Variants in TSHZ2 observed in about 807,000 individuals in gnomAD.
The protein encoded by TSHZ2 is teashirt homolog 2.
TSHZ2 carries 21 observed loss-of-function variants against 74.4 expected under a neutral mutation model. The observed-to-expected ratio is 0.28, with a 90% CI of 0.20 to 0.41. TSHZ2 has a LOEUF of 0.41. Ranked by LOEUF, TSHZ2 falls within the 10% of genes least tolerant of loss-of-function variation. The probability of loss-of-function intolerance (pLI) is 1.00; values close to 1 mark genes in which losing one functional copy is unlikely to be tolerated. For synonymous variants in TSHZ2, 540 were observed against 515.3 expected (o/e 1.05, Z -0.65); for missense variants, 1,244 against 1,293.5 (o/e 0.96, Z 0.59).
chr20:53,143,915 A>G (rs1987475334), intron 1 of TSHZ2, among the ~76,000 whole-genome samples: 1 of 152,086 alleles, frequency 6.6e-6, no homozygotes, highest in South Asian at 2.1e-4. Context: ...TCTCCCTGAA[A>G]ACTCAGGGAT....
chr20:53,202,559 C>T (rs924002616), intron 1 of TSHZ2, among the ~76,000 whole-genome samples: 1 of 152,022 alleles, frequency 6.6e-6, no homozygotes, highest in Non-Finnish European at 1.5e-5. Flanking sequence ...CTCCATCTTC[C>T]CAGCAACTTT....
At chr20:53,475,754 A>G (rs914496546) in intron 2 of TSHZ2, among the ~76,000 whole-genome samples, 3 of 141,310 alleles carry the variant, frequency 2.1e-5, no homozygotes, top group African/African-American at 8.2e-5. Flanking sequence ...AAATTGATAG[A>G]CCACTAGCAA....
intron 1 of TSHZ2, among the ~76,000 whole-genome samples, chr20:53,057,215 T>C (rs1048982126): frequency 6.6e-6 from 1 of 152,190 alleles, no homozygotes; most frequent in Non-Finnish European, 1.5e-5. Flanking sequence ...AATTACCCAG[T>C]CTTGGATATT....
chr20:53,479,887 G>A (rs1393768430), intron 2 of TSHZ2, among the ~76,000 whole-genome samples: 2 of 152,076 alleles, frequency 1.3e-5, no homozygotes, highest in Admixed American at 6.6e-5. Flanking sequence ...GTATCTATCT[G>A]GCTGAAAATA....
At chr20:53,013,232 A>G (rs966311834) in intron 1 of TSHZ2, among the ~76,000 whole-genome samples, 8 of 152,156 alleles carry the variant, frequency 5.3e-5, no homozygotes, top group African/African-American at 1.9e-4. Context: ...AGATTTTATT[A>G]TCCCAATTAA....
chr20:53,309,540 G>A (rs890361372), intron 2 of TSHZ2, among the ~76,000 whole-genome samples: 2 of 152,208 alleles, frequency 1.3e-5, no homozygotes, highest in Non-Finnish European at 2.9e-5. Flanking sequence ...GAGTTCAGGA[G>A]AAGGAGTTTT....
intron 1 of TSHZ2, among the ~76,000 whole-genome samples, chr20:53,240,156 A>G (rs1990032275): frequency 6.6e-6 from 1 of 152,210 alleles, no homozygotes; most frequent in Admixed American, 6.5e-5. Flanking sequence ...ATGTTCTTAT[A>G]TGAAAATAGG....
At chr20:53,209,002 C>A (rs934602034) in intron 1 of TSHZ2, among the ~76,000 whole-genome samples, 4 of 152,204 alleles carry the variant, frequency 2.6e-5, no homozygotes. Context: ...CTTGTTCCAC[C>A]TACCCATTTT....
intron 1 of TSHZ2, among the ~76,000 whole-genome samples, chr20:53,246,331 C>A (rs577581197): frequency 2.0e-5 from 3 of 152,184 alleles, no homozygotes; most frequent in Non-Finnish European, 4.4e-5. Flanking sequence ...GCGTGAGCCA[C>A]TGCACCTGGT....
intron 2 of TSHZ2, among the ~76,000 whole-genome samples, chr20:53,370,065 G>A (rs1008909101): frequency 2.0e-5 from 3 of 152,096 alleles, no homozygotes; most frequent in African/African-American, 4.8e-5. Context: ...GGAGTGTCAC[G>A]GTGTCGTAGG....
intron 1 of TSHZ2, among the ~76,000 whole-genome samples, chr20:53,199,743 CT>C (rs1386797243): frequency 6.6e-6 from 1 of 152,136 alleles, no homozygotes; most frequent in Non-Finnish European, 1.5e-5. Flanking sequence ...AATGCCTAGA[CT>C]AGTGTTTGTA....
chr20:53,256,416 C>G lies in TSHZ2; in HGVS notation c.2958C>G (p.Ala986=). The G allele has an allele frequency of 1.2e-6, 2 of 1,613,994 alleles. No individual in the cohort carries two copies. The highest frequency in any genetic ancestry group is 1.7e-6 in the Non-Finnish European group (2 of 1,179,886). Residue 986 remains alanine (A), a synonymous_variant, in exon 2 of 3, where the codon GCC becomes GCG. Coordinates refer to ENST00000371497, the MANE Select transcript of TSHZ2 (RefSeq NM_173485.6). This position sits in a 1 kb window ranked among gnomAD's most constrained non-coding sequence, Gnocchi z 4.3. The stretch of plus-strand genomic sequence containing the variant: ...AGAGGTCTCCAGAAACAATAGCTGC[C>G]GAAGAGGACACAGACTCTAAATTCA... ...SAQRSPETIA[A]EEDTDSKFKC...
Position 53,309,867 on chromosome 20 carries a change from C to T in TSHZ2, c.*8+53296C>T, listed in dbSNP as rs6097355. On this transcript the variant is annotated intron_variant, in intron 2 of 2. Coordinates refer to ENST00000371497, the MANE Select transcript of TSHZ2 (RefSeq NM_173485.6). ...CTCTGTGTAACATGAATCCCAAAACCGAGGAAACAAAAGCAAGGAGGGCTC... is the reference window on the plus strand; with the variant it reads ...CTCTGTGTAACATGAATCCCAAAACTGAGGAAACAAAAGCAAGGAGGGCTC... Among the ~76,000 whole-genome samples the T allele has an allele frequency of 4.1e-3, 626 of 152,188 alleles. 9 individuals are homozygous for T. Among genetic ancestry groups the T allele is most frequent in the African/African-American group, 0.014 (591 of 41,520 alleles).
intron 1 of TSHZ2, among the ~76,000 whole-genome samples, chr20:53,236,944 C>T (rs961743638): frequency 1.1e-4 from 16 of 152,196 alleles, no homozygotes; most frequent in Admixed American, 1.3e-4. Flanking sequence ...CAAGGTCCCA[C>T]CCCTAACACG....
At chr20:53,069,821 A>C (rs1345814243) in intron 1 of TSHZ2, among the ~76,000 whole-genome samples, 1 of 152,184 alleles carries the variant, frequency 6.6e-6, no homozygotes. Flanking sequence ...ATGACTTCTT[A>C]TTAACATGCA....
chr20:53,005,688 C>T (rs759900833), intron 1 of TSHZ2, among the ~76,000 whole-genome samples: 2 of 152,186 alleles, frequency 1.3e-5, no homozygotes, highest in Non-Finnish European at 2.9e-5. Context: ...GTGACTGTGA[C>T]ATCTTGAAGT....
intron 1 of TSHZ2, among the ~76,000 whole-genome samples, chr20:53,207,676 T>A (rs139430547): frequency 1.3e-5 from 2 of 152,104 alleles, no homozygotes; most frequent in African/African-American, 4.8e-5. Context: ...TTTTTTATTT[T>A]ATTTTTTTAT....
intron 1 of TSHZ2, among the ~76,000 whole-genome samples, chr20:53,231,319 C>T (rs1220552032): frequency 6.6e-6 from 1 of 152,200 alleles, no homozygotes; most frequent in Non-Finnish European, 1.5e-5. Flanking sequence ...TGTAAATCAA[C>T]CCATGCGCCC....
intron 1 of TSHZ2, among the ~76,000 whole-genome samples, chr20:53,164,387 T>A (rs955047033): frequency 1.3e-5 from 2 of 151,376 alleles, no homozygotes; most frequent in Non-Finnish European, 1.5e-5. Context: ...AGTTTACAAC[T>A]ATTAAAAGAA....
Sources: gnomAD v4.1 joint callset for allele counts (sites outside exome capture counted in the v4.1 genomes callset) on GRCh38, gnomAD v4.1.1 for gene constraint, Gnocchi (gnomAD v3.1) non-coding constraint, MANE v1.5 for transcripts, NCBI Gene and HGNC (gene_info 2026-07-23, HGNC 2026-07-21) for gene names.